The following IFT74 variants were observed in gnomAD, a reference collection of about 807,000 sequenced individuals.
IFT74 encodes the protein intraflagellar transport 74.
In IFT74, 92 loss-of-function variants were observed where a neutral mutation model predicts 96.7. That is an observed-to-expected ratio of 0.95 (90% confidence interval 0.80 to 1.13). IFT74 has a LOEUF of 1.13. IFT74 is among the 50% of genes most tolerant of loss of function. IFT74 has a pLI of 0.00. For missense variants in IFT74, 811 were observed against 698.2 expected, an observed-to-expected ratio of 1.16 and a Z score of -1.82; for synonymous variants, 223 against 213.2, an observed-to-expected ratio of 1.05 and a Z score of -0.40.
chr9:27,048,736 G>T (rs185076628), intron 16 of IFT74, among the ~76,000 whole-genome samples: 1 of 152,152 alleles, frequency 6.6e-6, no homozygotes, highest in East Asian at 1.9e-4. Flanking sequence ...CTGTTAGCTG[G>T]CAATTATCAA....
chr9:27,045,758 T>C (rs1563999583), intron 14 of IFT74, among the ~76,000 whole-genome samples: 1 of 152,216 alleles, frequency 6.6e-6, no homozygotes, highest in Non-Finnish European at 1.5e-5. Flanking sequence ...GTTACCTTCA[T>C]GGAGGCATGC....
intron 14 of IFT74, among the ~76,000 whole-genome samples, chr9:27,045,777 A>G (rs1819674288): frequency 6.6e-6 from 1 of 152,220 alleles, no homozygotes; most frequent in South Asian, 2.1e-4. Context: ...GCAATAAAAG[A>G]GTAATTGTCA....
At chr9:26,954,951 C>G (rs1267239962), upstream of IFT74, among the ~76,000 whole-genome samples, 1 of 152,018 alleles carries the variant, frequency 6.6e-6, no homozygotes, top group South Asian at 2.1e-4. Context: ...GAGATGTATT[C>G]CTATTCTCTA....
intron 8 of IFT74, among the ~76,000 whole-genome samples, chr9:26,990,541 G>T (rs1827818452): frequency 6.6e-6 from 1 of 152,132 alleles, no homozygotes; most frequent in African/African-American, 2.4e-5. Flanking sequence ...CCCCAATCTA[G>T]TGAAAGACAC....
intron 13 of IFT74, among the ~76,000 whole-genome samples, chr9:27,031,453 C>G (rs567278120): frequency 6.6e-6 from 1 of 150,824 alleles, no homozygotes; most frequent in South Asian, 2.1e-4. Context: ...GGTGACAGAG[C>G]GAGACTCCGT....
Position 26,984,515 on chromosome 9 carries a change from G to A in IFT74, c.421G>A (p.Val141Ile), listed in dbSNP as rs762222074. Residue 141 changes from valine (V) to isoleucine (I), a missense_variant, in exon 6 of 20, where the codon GTT becomes ATT. Val to Ile is a conservative substitution (Grantham distance 29). Transcript: ENST00000380062. ...TGCTTTCAGGGCTGAGACTTTAGCT[G>A]TTGAGATAAAAGAGCTTCAAGGACA... ...SYEKRAETLA[V>I]EIKELQGQLA... 4.0e-5 allele frequency: 64 copies of A among 1,612,250 alleles called. No individual in the cohort carries two copies. Among genetic ancestry groups the A allele is most frequent in the Non-Finnish European group, 1.5e-5 (18 of 1,178,838 alleles).
At position 27,065,474 on chromosome 9, in the gene IFT74, A is replaced by G. The variant is rs530178424; in HGVS notation, c.*2738A>G. On this transcript the variant is annotated 3_prime_UTR_variant, in exon 20 of 20. Coordinates refer to ENST00000380062, the MANE Select transcript of IFT74 (RefSeq NM_025103.4). ...ACATGCTGAGCAGTTTTACTAGTGA[A>G]GATCAACATGGGAAAGTTAGCAAGT... is the stretch of plus-strand genomic sequence containing the variant. Among the ~76,000 whole-genome samples, 9 of 152,328 alleles carry G rather than the reference A, an allele frequency of 5.9e-5. No individual in the cohort carries two copies. In the South Asian group the frequency reaches 1.4e-3, roughly 25 times the overall value.
intron 13 of IFT74, among the ~76,000 whole-genome samples, chr9:27,043,987 A>C (rs1819586925): frequency 6.6e-6 from 1 of 152,142 alleles, no homozygotes; most frequent in African/African-American, 2.4e-5. Context: ...CCCTGGTTAA[A>C]ATTCTTTAGT....
At chr9:26,970,372 T>A (rs908764053) in intron 2 of IFT74, among the ~76,000 whole-genome samples, 34 of 152,170 alleles carry the variant, frequency 2.2e-4, no homozygotes, top group African/African-American at 8.2e-4. Flanking sequence ...CATACACAGT[T>A]TGTATGACTT....
At chr9:26,988,822 T>G in intron 7 of IFT74, 94 bp downstream of exon 7, 1 of 1,160,968 alleles carries the variant, frequency 8.6e-7, no homozygotes, top group Non-Finnish European at 1.2e-6. Flanking sequence ...AAACCTTAAG[T>G]GCTATAGAGG....
At chr9:26,961,799 C>T in intron 1 of IFT74, 150 bp from the exon 2 acceptor site, 1 of 645,562 alleles carries the variant, frequency 1.5e-6, no homozygotes, top group South Asian at 2.4e-5. Context: ...AGCACGATGT[C>T]ATATTTGAAC....
chr9:27,056,592 A>G (rs1820170057), intron 18 of IFT74, 133 bp downstream of exon 18: 1 of 687,136 alleles, frequency 1.5e-6, no homozygotes, highest in Non-Finnish European at 2.4e-6. Flanking sequence ...CAGATTCTGT[A>G]CAGTCTTCAT....
chr9:26,992,786 A>C (rs904254715), intron 8 of IFT74, among the ~76,000 whole-genome samples: 7 of 152,208 alleles, frequency 4.6e-5, no homozygotes, highest in African/African-American at 1.7e-4. Flanking sequence ...CAGATGGCCA[A>C]CGTCTCAATA....
Position 27,047,351 on chromosome 9 carries a change from C to A in IFT74, c.1186C>A (p.Leu396Ile). 1 of 1,611,276 alleles carries A rather than the reference C, an allele frequency of 6.2e-7. No individual in the cohort carries two copies. The highest frequency in any genetic ancestry group is 8.5e-7 in the Non-Finnish European group (1 of 1,177,674). Residue 396 changes from leucine (L) to isoleucine (I), a missense_variant, in exon 15 of 20, where the codon CTC becomes ATC. Physicochemically the swap from Leu to Ile is conservative, Grantham distance 5. Coordinates refer to ENST00000380062, the MANE Select transcript of IFT74 (RefSeq NM_025103.4). Reference protein sequence around the residue: ...KAQIEANIVALLEHCSRNINR... With the variant: ...KAQIEANIVAILEHCSRNINR... ...ACAGATAGAAGCCAACATTGTTGCA[C>A]TCTTGGAGCACTGCAGTCGAGTGAG...
At position 27,064,935 on chromosome 9, in the gene IFT74, A is replaced by C. The variant is rs534648222; in HGVS notation, c.*2199A>C. 6.6e-6 allele frequency among the ~76,000 whole-genome samples: 1 copy of C among 152,200 alleles called. No individual in the cohort carries two copies. Among genetic ancestry groups the C allele is most frequent in the South Asian group, 2.1e-4 (1 of 4,830 alleles). ...TGTGATGTACATTTAATACTTAGAA[A>C]TGCAATAAAATTCAAATAAAGTACT... On this transcript the variant is annotated 3_prime_UTR_variant, in exon 20 of 20. Transcript: ENST00000380062.
chr9:26,995,483 C>A (rs989566977), intron 8 of IFT74: 1 of 1,203,536 alleles, frequency 8.3e-7, no homozygotes, highest in Non-Finnish European at 1.2e-6. Context: ...ACTGAGTGAG[C>A]TGATAACTTT....
At chr9:27,031,613 T>C (rs1261819289) in intron 13 of IFT74, among the ~76,000 whole-genome samples, 1 of 150,164 alleles carries the variant, frequency 6.7e-6, no homozygotes, top group East Asian at 1.9e-4. Context: ...TTTTTTTTTT[T>C]TAATGAGATA....
At chr9:26,969,338 C>CT (rs894300938) in intron 2 of IFT74, among the ~76,000 whole-genome samples, 5 of 150,454 alleles carry the variant, frequency 3.3e-5, no homozygotes, top group East Asian at 3.9e-4. Context: ...ATCTTCTTGT[C>CT]TTTTTTTTTA....
chr9:27,038,521 C>T (rs545308718), intron 13 of IFT74, among the ~76,000 whole-genome samples: 3 of 152,326 alleles, frequency 2.0e-5, no homozygotes, highest in Admixed American at 6.5e-5. Flanking sequence ...TCGTGGTCCG[C>T]CTGTCTTGGC....
Sources: gnomAD v4.1 joint callset for allele counts (sites outside exome capture counted in the v4.1 genomes callset) on GRCh38, gnomAD v4.1.1 for gene constraint, MANE v1.5 for transcripts, NCBI Gene and HGNC (gene_info 2026-07-23, HGNC 2026-07-21) for gene names.